Variants in RSPO3 observed in about 807,000 individuals in gnomAD.
RSPO3 encodes R-spondin-3.
Under a neutral mutation model 36.5 loss-of-function variants are expected in RSPO3, and 17 were observed. That is an observed-to-expected ratio of 0.47 (90% CI 0.32 to 0.70). The LOEUF is 0.70. RSPO3 is among the 30% of genes least tolerant of loss of function. The probability of loss-of-function intolerance (pLI) is 0.04; values close to 1 mark genes in which losing one functional copy is unlikely to be tolerated. For synonymous variants in RSPO3, 108 were observed against 107.0 expected (o/e 1.01, Z -0.06); for missense variants, 294 against 322.5 (o/e 0.91, Z 0.68).
chr6:127,170,323 T>G (rs1774910540), intron 4 of RSPO3, among the ~76,000 whole-genome samples: 1 of 151,700 alleles, frequency 6.6e-6, no homozygotes, highest in South Asian at 2.1e-4. Context: ...AAAATAGATG[T>G]GCCTTATTGT....
chr6:127,190,145 C>T lies in RSPO3; in HGVS notation c.635-5678C>T, dbSNP rs548134309. The stretch of plus-strand genomic sequence containing the variant: ...GATATTTTAATTTAAAATAACAGGC[C>T]GGGCACAGTGGCTCACACCTGTAAT... On this transcript the variant is annotated intron_variant, in intron 4 of 4. Coordinates refer to ENST00000356698, the MANE Select transcript of RSPO3 (RefSeq NM_032784.5). 3.9e-5 allele frequency among the ~76,000 whole-genome samples: 6 copies of T among 152,190 alleles called. No homozygotes were observed. The South Asian group carries it at 6.2e-4, about 16-fold the overall frequency.
chr6:127,121,499 ACAGCGATGCTCTTGCT>A (rs1185668286), intron 1 of RSPO3, among the ~76,000 whole-genome samples: 1 of 152,192 alleles, frequency 6.6e-6, no homozygotes, highest in African/African-American at 2.4e-5. Context: ...GACAGCACCC[ACAGCGATGCTCTTGCT>A]CCTTCGCACT....
chr6:127,170,087 A>C (rs945717072), intron 4 of RSPO3, among the ~76,000 whole-genome samples: 2 of 151,766 alleles, frequency 1.3e-5, no homozygotes, highest in Non-Finnish European at 2.9e-5. Flanking sequence ...CTGCCAAAAA[A>C]GTTGAGGCTT....
chr6:127,164,226 G>A (rs1308252785), intron 4 of RSPO3, among the ~76,000 whole-genome samples: 1 of 152,028 alleles, frequency 6.6e-6, no homozygotes, highest in Non-Finnish European at 1.5e-5. Flanking sequence ...TAAAATGCCT[G>A]CAGTTGAAGC....
intron 1 of RSPO3, among the ~76,000 whole-genome samples, chr6:127,148,058 T>C (rs893569669): frequency 6.6e-6 from 1 of 152,152 alleles, no homozygotes; most frequent in Non-Finnish European, 1.5e-5. Flanking sequence ...AGCATCAGTT[T>C]GCATTGGATC....
At chr6:127,185,306 T>A (rs1775270972) in intron 4 of RSPO3, among the ~76,000 whole-genome samples, 3 of 152,076 alleles carry the variant, frequency 2.0e-5, no homozygotes, top group Admixed American at 2.0e-4. Flanking sequence ...ACAATCTGCA[T>A]TACCTGCTAT....
Position 127,195,841 on chromosome 6 carries a change from G to T in RSPO3, c.653G>T (p.Arg218Met). ...KGERGKKGRE[R>M]KRKKPNKGES... ...ATTTCAGGAAAAAAAGGAAGGGAGA[G>T]GAAAAGAAAAAAACCTAATAAAGGA... Residue 218 changes from arginine (R) to methionine (M), a missense_variant, in exon 5 of 5, where the codon AGG becomes ATG. Transcript: ENST00000356698. The T allele has an allele frequency of 6.5e-7, 1 of 1,540,364 alleles. No homozygotes were observed. The highest frequency in any genetic ancestry group is 8.8e-7 in the Non-Finnish European group (1 of 1,142,304).
intron 4 of RSPO3, among the ~76,000 whole-genome samples, chr6:127,162,289 T>C (rs905137458): frequency 6.6e-6 from 1 of 152,160 alleles, no homozygotes; most frequent in Admixed American, 6.6e-5. Context: ...GGCATGCATA[T>C]ACAGGGTGGG....
chr6:127,184,943 C>T (rs1390662334), intron 4 of RSPO3, among the ~76,000 whole-genome samples: 1 of 151,804 alleles, frequency 6.6e-6, no homozygotes, highest in Non-Finnish European at 1.5e-5. Flanking sequence ...AAAATATATA[C>T]ACACACAAAC....
At chr6:127,139,640 C>G (rs1198141062) in intron 1 of RSPO3, among the ~76,000 whole-genome samples, 1 of 151,920 alleles carries the variant, frequency 6.6e-6, no homozygotes, top group African/African-American at 2.4e-5. Flanking sequence ...TTCTCTCAGC[C>G]AGACCACAGC....
Position 127,197,568 on chromosome 6 carries a change from A to C in RSPO3, c.*1561A>C. The C allele has an allele frequency of 6.5e-7, 1 of 1,545,078 alleles. No individual in the cohort carries two copies. The highest frequency in any genetic ancestry group is 8.7e-7 in the Non-Finnish European group (1 of 1,145,014). On this transcript the variant is annotated 3_prime_UTR_variant, in exon 5 of 5. Coordinates refer to ENST00000356698, the MANE Select transcript of RSPO3 (RefSeq NM_032784.5). ...CCTTCCTGTTGTCATGGAAGGATGC[A>C]CGGCTGCTCTGTCCACTGTGATTCC...
intron 1 of RSPO3, among the ~76,000 whole-genome samples, chr6:127,142,194 T>C (rs184640858): frequency 3.9e-5 from 6 of 152,334 alleles, no homozygotes; most frequent in African/African-American, 1.4e-4. Context: ...TAAGTAATTA[T>C]ATTTATTCAG....
intron 1 of RSPO3, among the ~76,000 whole-genome samples, chr6:127,143,770 G>A (rs769456486): frequency 3.2e-4 from 49 of 152,230 alleles, no homozygotes; most frequent in Admixed American, 1.1e-3. Flanking sequence ...GTGAATTAAC[G>A]TAAAGCAAAT....
chr6:127,149,184 C>T (rs981993901), intron 2 of RSPO3, among the ~76,000 whole-genome samples: 2 of 152,066 alleles, frequency 1.3e-5, no homozygotes, highest in Non-Finnish European at 2.9e-5. Context: ...CAAATCATTT[C>T]AGCTATTTTG....
At chr6:127,134,278 A>G (rs1373672717) in intron 1 of RSPO3, among the ~76,000 whole-genome samples, 1 of 152,206 alleles carries the variant, frequency 6.6e-6, no homozygotes, top group Non-Finnish European at 1.5e-5. Context: ...TCCACTTTAA[A>G]TGTAGTTAGC....
intron 1 of RSPO3, among the ~76,000 whole-genome samples, chr6:127,137,793 CA>C (rs1366121631): frequency 1.3e-5 from 2 of 152,120 alleles, no homozygotes; most frequent in African/African-American, 4.8e-5. Context: ...TTAGATATCT[CA>C]ATTATCAATA....
intron 4 of RSPO3, among the ~76,000 whole-genome samples, chr6:127,169,068 G>T (rs1462907635): frequency 6.6e-6 from 1 of 151,796 alleles, no homozygotes; most frequent in Non-Finnish European, 1.5e-5. Flanking sequence ...CCAGTAATGG[G>T]ATTGCTGGGT....
At chr6:127,182,896 A>C (rs888032658) in intron 4 of RSPO3, among the ~76,000 whole-genome samples, 1 of 152,020 alleles carries the variant, frequency 6.6e-6, no homozygotes, top group Admixed American at 6.6e-5. Context: ...CTACATTCTC[A>C]ACTCCACCAA....
At chr6:127,177,795 T>G (rs1055219854) in intron 4 of RSPO3, among the ~76,000 whole-genome samples, 1 of 151,734 alleles carries the variant, frequency 6.6e-6, no homozygotes, top group Admixed American at 6.6e-5. Context: ...AATGTGTTTG[T>G]TTTTCCTCAA....
Sources: allele counts gnomAD v4.1 joint callset (sites outside exome capture counted in the v4.1 genomes callset), GRCh38; gene constraint gnomAD v4.1.1; transcripts MANE v1.5; gene names NCBI Gene and HGNC (gene_info 2026-07-23, HGNC 2026-07-21).